The following SPATA17 variants were observed in gnomAD, a reference collection of about 807,000 sequenced individuals.
The protein encoded by SPATA17 is spermatogenesis associated 17, also known as spermatogenesis-associated protein 17.
In SPATA17, 53 loss-of-function variants were observed where a neutral mutation model predicts 62.2. The ratio of observed to expected loss-of-function variants is 0.85; its 90% CI spans 0.68 to 1.07. The LOEUF (loss-of-function observed/expected upper bound fraction) is 1.07. SPATA17 is among the 50% of genes least tolerant of loss of function. The pLI is 0.00. For missense variants in SPATA17, 466 were observed against 425.5 expected, an observed-to-expected ratio of 1.10 and a Z score of -0.84; for synonymous variants, 146 against 146.8, an observed-to-expected ratio of 0.99 and a Z score of 0.04.
At chr1:217,758,741 C>A (rs1023048010) in intron 6 of SPATA17, among the ~76,000 whole-genome samples, 1 of 152,024 alleles carries the variant, frequency 6.6e-6, no homozygotes, top group African/African-American at 2.4e-5. Context: ...GAAAAGGAGA[C>A]AATAGATTAG....
In SPATA17 at chr1:217,869,455, C is replaced by A. The variant is rs1301680969; in HGVS notation, c.*2436C>A. ...TGTCAGACTCTTAGTAAATTATCTCCTGGATCAGTGAAAAGATGTGAAAAA... is the reference window on the plus strand; with the variant it reads ...TGTCAGACTCTTAGTAAATTATCTCATGGATCAGTGAAAAGATGTGAAAAA... On this transcript the variant is annotated 3_prime_UTR_variant, in exon 11 of 11. Transcript: ENST00000366933. The A allele has an allele frequency of 3.9e-5, 6 of 152,192 alleles. 1 individual carries two copies. In the South Asian group the frequency reaches 1.0e-3, roughly 26 times the overall value. 9.4% of individuals were successfully genotyped at this position (152,192 alleles called of 1,614,324 possible).
chr1:217,655,550 A>G (rs1350849095), intron 3 of SPATA17, among the ~76,000 whole-genome samples: 1 of 152,174 alleles, frequency 6.6e-6, no homozygotes, highest in Admixed American at 6.5e-5. Context: ...TCCAATTACG[A>G]TTCTTACCAG....
chr1:217,785,274 G>A (rs543848750), intron 8 of SPATA17, among the ~76,000 whole-genome samples: 28 of 152,132 alleles, frequency 1.8e-4, no homozygotes, highest in African/African-American at 6.7e-4. Context: ...GTATTAGTCC[G>A]TTCTCACACT....
chr1:217,847,265 TA>T (rs1353795051), intron 9 of SPATA17, among the ~76,000 whole-genome samples: 7 of 152,124 alleles, frequency 4.6e-5, no homozygotes, highest in Non-Finnish European at 8.8e-5. Context: ...AAAGTCTAAA[TA>T]AATTAGTTAT....
At chr1:217,737,016 A>T (rs1014102194) in intron 5 of SPATA17, among the ~76,000 whole-genome samples, 5 of 152,134 alleles carry the variant, frequency 3.3e-5, no homozygotes, top group African/African-American at 1.2e-4. Flanking sequence ...ATGTAATACA[A>T]AGCTACCTCT....
intron 5 of SPATA17, among the ~76,000 whole-genome samples, chr1:217,706,641 A>C (rs6671096): frequency 0.65 from 98,871 of 152,076 alleles, 33,227 homozygotes; most frequent in African/African-American, 0.71. Flanking sequence ...AACTGTGAGT[A>C]AATTAAACCC....
chr1:217,774,601 A>C (rs1179214396), intron 7 of SPATA17, 64 bp downstream of exon 7: 1 of 1,315,168 alleles, frequency 7.6e-7, no homozygotes, highest in African/African-American at 1.5e-5. Context: ...TGCACTTTTT[A>C]TATAACACTA....
intron 5 of SPATA17, among the ~76,000 whole-genome samples, chr1:217,727,724 T>C (rs1436457932): frequency 6.6e-6 from 1 of 152,186 alleles, no homozygotes; most frequent in Non-Finnish European, 1.5e-5. Context: ...TTATCTAAAA[T>C]GCCAGTTCAC....
chr1:217,697,290 TG>T (rs1671481312), intron 5 of SPATA17, among the ~76,000 whole-genome samples: 1 of 152,214 alleles, frequency 6.6e-6, no homozygotes. Flanking sequence ...CTCATTGTTT[TG>T]CTCATTTTGT....
chr1:217,810,807 A>T (rs1045983829), intron 9 of SPATA17, among the ~76,000 whole-genome samples: 6 of 151,994 alleles, frequency 3.9e-5, no homozygotes, highest in African/African-American at 1.5e-4. Flanking sequence ...GAAGAGTGCA[A>T]GGGGGAACTG....
chr1:217,844,818 T>G (rs571447601), intron 9 of SPATA17, among the ~76,000 whole-genome samples: 2 of 152,102 alleles, frequency 1.3e-5, no homozygotes, highest in Non-Finnish European at 2.9e-5. Context: ...CTCTTAATAG[T>G]TATTAAGTCA....
At chr1:217,736,492 G>C (rs1354615381) in intron 5 of SPATA17, among the ~76,000 whole-genome samples, 1 of 152,150 alleles carries the variant, frequency 6.6e-6, no homozygotes, top group African/African-American at 2.4e-5. Context: ...TGAGTGAAAA[G>C]AACAGTAAAA....
chr1:217,720,463 G>C (rs1265566688), intron 5 of SPATA17, among the ~76,000 whole-genome samples: 1 of 151,524 alleles, frequency 6.6e-6, no homozygotes, highest in Admixed American at 6.6e-5. Context: ...TCTTTTTTCT[G>C]AAATATGCAC....
chr1:217,639,800 A>G (rs1670016452), intron 1 of SPATA17, among the ~76,000 whole-genome samples: 1 of 151,986 alleles, frequency 6.6e-6, no homozygotes. Flanking sequence ...TCCAGCTTCT[A>G]ATATCAATTT....
chr1:217,640,286 A>G (rs1206982189), intron 1 of SPATA17, among the ~76,000 whole-genome samples: 1 of 152,088 alleles, frequency 6.6e-6, no homozygotes, highest in Non-Finnish European at 1.5e-5. Flanking sequence ...ATTGCAAAGG[A>G]AGAAGTAAAA....
At chr1:217,704,311 C>T (rs1189682935) in intron 5 of SPATA17, among the ~76,000 whole-genome samples, 1 of 126,878 alleles carries the variant, frequency 7.9e-6, no homozygotes, top group Admixed American at 9.9e-5. Context: ...ACTGCAGTGG[C>T]GCAATCTCGG....
At chr1:217,661,544 C>A (rs1670570010) in intron 3 of SPATA17, among the ~76,000 whole-genome samples, 1 of 152,086 alleles carries the variant, frequency 6.6e-6, no homozygotes, top group Non-Finnish European at 1.5e-5. Flanking sequence ...AGAGCTATTC[C>A]AGTCTTGTTT....
intron 1 of SPATA17, among the ~76,000 whole-genome samples, chr1:217,636,687 G>A (rs1206031860): frequency 6.6e-6 from 1 of 152,176 alleles, no homozygotes; most frequent in Admixed American, 6.5e-5. Context: ...GCCTCCCAAA[G>A]TGCTGGGATT....
At chr1:217,685,741 T>C (rs1671201552) in intron 5 of SPATA17, among the ~76,000 whole-genome samples, 1 of 152,194 alleles carries the variant, frequency 6.6e-6, no homozygotes, top group South Asian at 2.1e-4. Flanking sequence ...GTATTTTATA[T>C]AGGATACTTA....
Sources: gnomAD v4.1 joint callset for allele counts (sites outside exome capture counted in the v4.1 genomes callset) on GRCh38, gnomAD v4.1.1 for gene constraint, MANE v1.5 for transcripts, NCBI Gene and HGNC (gene_info 2026-07-23, HGNC 2026-07-21) for gene names.